RB1: variants seen among roughly 807,000 people sequenced by gnomAD.
RB1 encodes RB transcriptional corepressor 1.
In RB1, 18 loss-of-function variants were observed where a neutral mutation model predicts 135.4. That is an observed-to-expected ratio of 0.13 (90% CI 0.09 to 0.20). The LOEUF (loss-of-function observed/expected upper bound fraction) is 0.20, where lower values mean the gene tolerates loss of function less well. Among genes scored for constraint, RB1 ranks in the 10% least tolerant of loss-of-function variants. RB1 has a pLI of 1.00. For missense variants in RB1, 868 were observed against 1,110.0 expected (o/e 0.78, Z 3.10); for synonymous variants, 365 against 373.2 (o/e 0.98, Z 0.25).
rs746335500 is a variant in RB1 at position 48,477,421 on chromosome 13, C to A, written c.2713+17C>A. Reference sequence around the variant, plus strand: ...CAGAAATGAGTAAGTACTTTTTTCACCTTGTGTAAATGAAATAAACAATTG... The same window carrying A: ...CAGAAATGAGTAAGTACTTTTTTCAACTTGTGTAAATGAAATAAACAATTG... On this transcript the variant is annotated intron_variant, in intron 26 of 26. Coordinates refer to ENST00000267163, the MANE Select transcript of RB1 (RefSeq NM_000321.3). 5.7e-6 allele frequency: 9 copies of A among 1,581,000 alleles called. No homozygotes were observed. The highest frequency in any genetic ancestry group is 5.5e-5 in the South Asian group (5 of 90,148).
chr13:48,378,313 T>A (rs1285869754), intron 13 of RB1, among the ~76,000 whole-genome samples: 10 of 152,176 alleles, frequency 6.6e-5, no homozygotes, highest in Non-Finnish European at 4.4e-5. Context: ...AATATTTTCT[T>A]TCTTTATAAT....
chr13:48,428,663 A>ACATTTT (rs953312907), intron 17 of RB1, among the ~76,000 whole-genome samples: 1 of 152,270 alleles, frequency 6.6e-6, no homozygotes, highest in African/African-American at 2.4e-5. Flanking sequence ...GAGATTTTAG[A>ACATTTT]CATTTTCATC....
chr13:48,363,029 A>G (rs1952657768), intron 8 of RB1, 72 bp downstream of exon 8: 7 of 1,559,160 alleles, frequency 4.5e-6, no homozygotes, highest in South Asian at 3.4e-5. Context: ...AACAATATTT[A>G]CTTCTTTTGT....
intron 17 of RB1, among the ~76,000 whole-genome samples, chr13:48,438,459 T>C (rs892196411): frequency 6.6e-6 from 1 of 152,206 alleles, no homozygotes; most frequent in Non-Finnish European, 1.5e-5. Context: ...ATGCTCCTAA[T>C]CTGAGTTAGT....
At chr13:48,328,774 C>G (rs1018132541) in intron 2 of RB1, among the ~76,000 whole-genome samples, 6 of 152,300 alleles carry the variant, frequency 3.9e-5, no homozygotes, top group African/African-American at 1.4e-4. Flanking sequence ...TAACACCTCT[C>G]TCATAGGATT....
chr13:48,412,398 C>T (rs1310533086), intron 17 of RB1: 1 of 1,613,944 alleles, frequency 6.2e-7, no homozygotes, highest in Admixed American at 1.7e-5. Flanking sequence ...ATTATAGAAG[C>T]AGTGGGAGCT....
At chr13:48,439,382 G>C (rs1234271504) in intron 17 of RB1, among the ~76,000 whole-genome samples, 1 of 152,056 alleles carries the variant, frequency 6.6e-6, no homozygotes, top group East Asian at 1.9e-4. Context: ...GTGAGGTAGT[G>C]AGAGAAATAA....
chr13:48,314,353 GTCTT>G (rs565470724), intron 2 of RB1, among the ~76,000 whole-genome samples: 5 of 152,246 alleles, frequency 3.3e-5, no homozygotes, highest in African/African-American at 9.6e-5. Context: ...TTTCGTTTAA[GTCTT>G]TCTTTCACCA....
intron 17 of RB1, among the ~76,000 whole-genome samples, chr13:48,423,320 G>T (rs1949033410): frequency 6.6e-6 from 1 of 152,056 alleles, no homozygotes; most frequent in Non-Finnish European, 1.5e-5. Flanking sequence ...TGTCATCCAG[G>T]CTGGAGTGCA....
intron 7 of RB1, 38 bp downstream of exon 7, chr13:48,360,165 C>A (rs1952626706): frequency 1.9e-6 from 3 of 1,609,376 alleles, no homozygotes; most frequent in African/African-American, 2.7e-5. Flanking sequence ...CTTTCTCATT[C>A]AGCAGTTGCT....
At chr13:48,310,424 C>T (rs1055352363) in intron 2 of RB1, among the ~76,000 whole-genome samples, 8 of 152,062 alleles carry the variant, frequency 5.3e-5, no homozygotes, top group South Asian at 2.1e-4. Context: ...ATACCATGTC[C>T]GAACTCCATT....
intron 2 of RB1, chr13:48,317,003 TA>T: frequency 3.8e-6 from 2 of 526,010 alleles, no homozygotes; most frequent in Admixed American, 3.5e-5. Flanking sequence ...ACCTCAGGTC[TA>T]AAATGCTTTC....
chr13:48,327,985 A>ACC (rs1566181776), intron 2 of RB1: 28 of 569,116 alleles, frequency 4.9e-5, no homozygotes, highest in Middle Eastern at 9.4e-4. Context: ...AGAAAAAAAA[A>ACC]GTGGCTCCAA....
At chr13:48,391,942 C>T (rs751975936) in intron 17 of RB1, among the ~76,000 whole-genome samples, 2 of 152,038 alleles carry the variant, frequency 1.3e-5, no homozygotes, top group Non-Finnish European at 2.9e-5. Context: ...TTCTTGTGTG[C>T]ATGTCTACTA....
intron 23 of RB1, among the ~76,000 whole-genome samples, chr13:48,471,501 G>A (rs1949469263): frequency 8.0e-6 from 1 of 124,582 alleles, no homozygotes; most frequent in Admixed American, 8.5e-5. Context: ...CATGGCACAT[G>A]TATACATATG....
chr13:48,402,133 G>A (rs571888372), intron 17 of RB1, among the ~76,000 whole-genome samples: 3 of 152,002 alleles, frequency 2.0e-5, no homozygotes, highest in South Asian at 4.1e-4. Context: ...ATGAACATAG[G>A]ATACACTAAT....
intron 6 of RB1, among the ~76,000 whole-genome samples, chr13:48,357,581 G>A (rs965087012): frequency 7.2e-5 from 11 of 151,890 alleles, no homozygotes; most frequent in African/African-American, 1.7e-4. Flanking sequence ...GTGGCTTCCC[G>A]GCCCATTGTG....
intron 2 of RB1, among the ~76,000 whole-genome samples, chr13:48,320,786 GCC>G: frequency 6.6e-6 from 1 of 151,450 alleles, no homozygotes; most frequent in Non-Finnish European, 1.5e-5. Flanking sequence ...AGCTGAGATC[GCC>G]CCACTGCTCT....
At chr13:48,383,327 G>A (rs971562232) in intron 17 of RB1, among the ~76,000 whole-genome samples, 4 of 151,954 alleles carry the variant, frequency 2.6e-5, no homozygotes, top group South Asian at 4.2e-4. Flanking sequence ...TAAGGCTTTT[G>A]TTTTAATAAA....
Sources: gnomAD v4.1 joint callset for allele counts (sites outside exome capture counted in the v4.1 genomes callset) on GRCh38, gnomAD v4.1.1 for gene constraint, MANE v1.5 for transcripts, NCBI Gene and HGNC (gene_info 2026-07-23, HGNC 2026-07-21) for gene names.